Variants in RANBP17 observed in about 807,000 individuals in gnomAD.
RANBP17 encodes the protein ran-binding protein 17.
RANBP17 carries 158 observed loss-of-function variants against 141.2 expected under a neutral mutation model. That is an observed-to-expected ratio of 1.12 (90% CI 0.98 to 1.28). The LOEUF (loss-of-function observed/expected upper bound fraction) is 1.28, where lower values mean the gene tolerates loss of function less well. Ranked by LOEUF, RANBP17 falls within the 50% of genes most tolerant of loss-of-function variation. The pLI is 0.00. For synonymous variants in RANBP17, 430 were observed against 450.0 expected (o/e 0.96, Z 0.56); for missense variants, 1,438 against 1,290.7 (o/e 1.11, Z -1.75).
At chr5:170,881,935 A>G in intron 3 of RANBP17, 39 bp downstream of exon 3, 1 of 1,365,886 alleles carries the variant, frequency 7.3e-7, no homozygotes, top group East Asian at 2.3e-5. Flanking sequence ...ACTGCGCTTT[A>G]AAAATCTTTT....
intron 13 of RANBP17, among the ~76,000 whole-genome samples, chr5:170,967,915 C>G (rs1386332492): frequency 6.6e-6 from 1 of 151,418 alleles, no homozygotes; most frequent in East Asian, 1.9e-4. Flanking sequence ...TAAATTTTTA[C>G]TGTAGTATAG....
chr5:171,233,500 A>G (rs1028842184), intron 22 of RANBP17, among the ~76,000 whole-genome samples: 10 of 152,090 alleles, frequency 6.6e-5, no homozygotes, highest in Non-Finnish European at 8.8e-5. Flanking sequence ...ATTTTTTTCA[A>G]TAGGTGAGTG....
rs150357206 is a variant in RANBP17, at chr5:171,259,223, ATGT to A, written c.2777-6454_2777-6452del. ...TTATTAAAAAGGCAAAAAAGAGCAG[ATGT>A]TGTCAAGGATGCAGAGAAAAGGAAA... On this transcript the variant is annotated intron_variant, in intron 24 of 27. Coordinates refer to ENST00000523189, the MANE Select transcript of RANBP17 (RefSeq NM_022897.5). Among the ~76,000 whole-genome samples, 14 of 152,326 alleles carry A rather than the reference ATGT, an allele frequency of 9.2e-5. No homozygotes were observed. The East Asian group carries it at 2.1e-3, about 23-fold the overall frequency.
intron 1 of RANBP17, among the ~76,000 whole-genome samples, chr5:170,868,343 G>T (rs1767442053): frequency 6.6e-6 from 1 of 152,008 alleles, no homozygotes; most frequent in Non-Finnish European, 1.5e-5. Flanking sequence ...CTGCCTCCTG[G>T]GCTTAAGAAA....
chr5:171,257,039 T>C (rs1033608647), intron 24 of RANBP17, among the ~76,000 whole-genome samples: 1 of 152,066 alleles, frequency 6.6e-6, no homozygotes, highest in African/African-American at 2.4e-5. Flanking sequence ...TTCCAAAAAA[T>C]TGAGGAGGAG....
chr5:170,923,959 C>G (rs1310189072), intron 11 of RANBP17, among the ~76,000 whole-genome samples: 2 of 150,818 alleles, frequency 1.3e-5, no homozygotes, highest in Non-Finnish European at 3.0e-5. Flanking sequence ...TATTTTTTAC[C>G]TTCTAATACA....
intron 25 of RANBP17, among the ~76,000 whole-genome samples, chr5:171,267,224 A>G (rs1208984047): frequency 7.0e-6 from 1 of 143,048 alleles, no homozygotes; most frequent in Non-Finnish European, 1.5e-5. Context: ...TTTTGGAGAG[A>G]AGGAGTTTTG....
chr5:170,990,947 T>C (rs1462769729), intron 14 of RANBP17, among the ~76,000 whole-genome samples: 2 of 151,946 alleles, frequency 1.3e-5, no homozygotes, highest in Non-Finnish European at 2.9e-5. Flanking sequence ...TGAAAAGGAA[T>C]AGCCAACTAA....
At chr5:171,211,001 C>CAA (rs949233363) in intron 20 of RANBP17, among the ~76,000 whole-genome samples, 12,564 of 75,150 alleles carry the variant, frequency 0.17, 912 homozygotes, top group Non-Finnish European at 0.23. Flanking sequence ...AAGACCCCGT[C>CAA]AAAAAAAAAA....
intron 1 of RANBP17, among the ~76,000 whole-genome samples, chr5:170,871,596 A>G (rs1309687558): frequency 2.0e-5 from 3 of 152,214 alleles, no homozygotes; most frequent in Non-Finnish European, 2.9e-5. Flanking sequence ...ATCTTTGCCC[A>G]TGCCTATGTT....
chr5:170,885,733 G>A (rs4099146), intron 3 of RANBP17, among the ~76,000 whole-genome samples: 95,903 of 151,962 alleles, frequency 0.63, 31,202 homozygotes, highest in South Asian at 0.9. Flanking sequence ...CCTCTTTAAT[G>A]TTGCTTGTAA....
intron 14 of RANBP17, among the ~76,000 whole-genome samples, chr5:171,057,742 AC>A (rs1783500583): frequency 6.6e-6 from 1 of 151,990 alleles, no homozygotes; most frequent in Non-Finnish European, 1.5e-5. Flanking sequence ...AAGAGAAGGC[AC>A]CTTCTTCATA....
chr5:170,975,121 A>T (rs901283629), intron 14 of RANBP17, among the ~76,000 whole-genome samples: 1 of 152,142 alleles, frequency 6.6e-6, no homozygotes, highest in East Asian at 1.9e-4. Context: ...TAATTTTTCA[A>T]ACCTTTAAGT....
At chr5:170,866,429 CT>C (rs1232198853) in intron 1 of RANBP17, among the ~76,000 whole-genome samples, 2 of 151,958 alleles carry the variant, frequency 1.3e-5, no homozygotes, top group Non-Finnish European at 2.9e-5. Context: ...AATCCCAGCA[CT>C]TTTGGGAGGC....
At chr5:170,929,597 G>C (rs559541976) in intron 12 of RANBP17, among the ~76,000 whole-genome samples, 1 of 152,038 alleles carries the variant, frequency 6.6e-6, no homozygotes, top group African/African-American at 2.4e-5. Flanking sequence ...TGTTTCTTTA[G>C]AAATTGTTAA....
chr5:171,286,819 G>A (rs1768199043), intron 25 of RANBP17, among the ~76,000 whole-genome samples: 1 of 152,226 alleles, frequency 6.6e-6, no homozygotes, highest in African/African-American at 2.4e-5. Context: ...GTAGCACTCA[G>A]ATTTTGCCTA....
intron 14 of RANBP17, among the ~76,000 whole-genome samples, chr5:170,994,166 A>G (rs1279239719): frequency 6.6e-6 from 1 of 152,024 alleles, no homozygotes; most frequent in Non-Finnish European, 1.5e-5. Context: ...GAAATTGATG[A>G]CTTGCCTTAG....
intron 14 of RANBP17, among the ~76,000 whole-genome samples, chr5:171,062,752 T>C (rs1026973117): frequency 1.3e-5 from 2 of 152,244 alleles, no homozygotes; most frequent in East Asian, 1.9e-4. Context: ...TCCTGCAGAG[T>C]GTTTTCCAAC....
At chr5:171,294,138 G>A (rs946532024) in intron 26 of RANBP17, among the ~76,000 whole-genome samples, 157 bp downstream of exon 26, 5 of 152,090 alleles carry the variant, frequency 3.3e-5, no homozygotes, top group Admixed American at 6.5e-5. Flanking sequence ...CCCCTACAAG[G>A]CCCTTCCCCA....
Sources: gnomAD v4.1 joint callset for allele counts (sites outside exome capture counted in the v4.1 genomes callset) on GRCh38, gnomAD v4.1.1 for gene constraint, MANE v1.5 for transcripts, NCBI Gene and HGNC (gene_info 2026-07-23, HGNC 2026-07-21) for gene names.